Variants in DEFB108B observed in about 807,000 individuals in gnomAD.
DEFB108B encodes beta-defensin 108B.
DEFB108B carries 3 observed loss-of-function variants against 2.4 expected under a neutral mutation model. The observed-to-expected ratio is 1.25, with a 90% CI of 0.57 to 3.24. The LOEUF (loss-of-function observed/expected upper bound fraction) is 3.24, where lower values mean the gene tolerates loss of function less well. Ranked by LOEUF, DEFB108B falls within the 30% of genes most tolerant of loss-of-function variation. The pLI is 0.03. For synonymous variants in DEFB108B, 25 were observed against 28.7 expected, an observed-to-expected ratio of 0.87 and a Z score of 0.41; for missense variants, 101 against 87.8, an observed-to-expected ratio of 1.15 and a Z score of -0.60.
chr11:71,833,348 A>T, intron 1 of DEFB108B, 91 bp downstream of exon 1: 1 of 1,552,456 alleles, frequency 6.4e-7, no homozygotes. Context: ...ATAACCAGAA[A>T]AGGGGGTCTC....
chr11:71,834,517 C>T (rs186428665), intron 1 of DEFB108B, among the ~76,000 whole-genome samples: 2 of 152,110 alleles, frequency 1.3e-5, no homozygotes, highest in African/African-American at 4.8e-5. Context: ...AAAATAGAAG[C>T]AACTAATTGG....
At chr11:71,835,423 C>A (rs1009807830) in intron 1 of DEFB108B, among the ~76,000 whole-genome samples, 4 of 152,142 alleles carry the variant, frequency 2.6e-5, no homozygotes, top group African/African-American at 9.7e-5. Context: ...CAGTTTTGTT[C>A]TTTTTATGGC....
intron 1 of DEFB108B, among the ~76,000 whole-genome samples, chr11:71,834,502 C>T (rs2121250735): frequency 6.6e-6 from 1 of 152,168 alleles, no homozygotes; most frequent in African/African-American, 2.4e-5. Flanking sequence ...CATTGTCACT[C>T]AATCAAAATA....
chr11:71,836,571 C>T lies in DEFB108B; in HGVS notation c.59-828C>T, dbSNP rs141889866. Reference sequence around the variant, plus strand: ...AAAACACTTTTCAAACTAAATACCTCAGTGTGTGTGGCCTATCCCCAGAGC... The same window carrying T: ...AAAACACTTTTCAAACTAAATACCTTAGTGTGTGTGGCCTATCCCCAGAGC... On this transcript the variant is annotated intron_variant, in intron 1 of 1. Transcript: ENST00000328698. Among the ~76,000 whole-genome samples the T allele has an allele frequency of 2.2e-3, 338 of 152,316 alleles. 2 individuals carry two copies. The highest frequency in any genetic ancestry group is 7.6e-3 in the African/African-American group (316 of 41,572).
At chr11:71,836,240 A>G (rs1005959489) in intron 1 of DEFB108B, among the ~76,000 whole-genome samples, 1 of 152,214 alleles carries the variant, frequency 6.6e-6, no homozygotes, top group African/African-American at 2.4e-5. Context: ...CATGACCTTT[A>G]TTTCCCAATT....
Sources: allele counts gnomAD v4.1 joint callset (sites outside exome capture counted in the v4.1 genomes callset), GRCh38; gene constraint gnomAD v4.1.1; transcripts MANE v1.5; gene names NCBI Gene and HGNC (gene_info 2026-07-23, HGNC 2026-07-21).